Variants in TRPM6 observed in about 807,000 individuals in gnomAD.
The protein encoded by TRPM6 is channel kinase 2.
In TRPM6, 111 loss-of-function variants were observed where a neutral mutation model predicts 247.6. The ratio of observed to expected loss-of-function variants is 0.45; its 90% confidence interval spans 0.38 to 0.52. The LOEUF is 0.52. Ranked by LOEUF, TRPM6 falls within the 20% of genes least tolerant of loss-of-function variation. The probability of loss-of-function intolerance (pLI) is 0.00; values close to 1 mark genes in which losing one functional copy is unlikely to be tolerated. For synonymous variants in TRPM6, 892 were observed against 853.8 expected (o/e 1.04, Z -0.78); for missense variants, 2,126 against 2,421.5 (o/e 0.88, Z 2.56).
chr9:74,846,877 CT>C (rs2118250171), intron 3 of TRPM6, among the ~76,000 whole-genome samples: 1 of 152,250 alleles, frequency 6.6e-6, no homozygotes, highest in South Asian at 2.1e-4. Context: ...AAAAAGCACA[CT>C]TTTAAGAAAT....
At position 74,792,713 on chromosome 9, in the gene TRPM6, C is replaced by A; in HGVS notation, c.2449G>T (p.Gly817Cys). The change falls in exon 19 of 39, where the codon GGT becomes TGT. Residue 817 changes from glycine (G) to cysteine (C), a missense_variant. Gly to Cys is a radical substitution (Grantham distance 159). This residue lies in a region of TRPM6 where 1,082 missense variants were observed against 1,307.9 expected (regional missense o/e 0.83). Transcript: ENST00000360774. ...AGGTGTTGGTGCCCACTTTCCAAAC[C>A]AAAATGCTGATTTTCATCCAGTTTC... The part of the protein sequence containing the change: ...DEKLDENQHF[G>C]LESGHQHLPW... The A allele has an allele frequency of 6.2e-7, 1 of 1,613,862 alleles. No homozygotes were observed. Among genetic ancestry groups the A allele is most frequent in the Admixed American group, 1.7e-5 (1 of 60,024 alleles).
At chr9:74,887,159 A>T in intron 1 of TRPM6, 1 of 920,500 alleles carries the variant, frequency 1.1e-6, no homozygotes, top group South Asian at 4.7e-5. Context: ...GCCAGCGGGG[A>T]CTCCTGAGGT....
Position 74,808,149 on chromosome 9 carries a change from A to T in TRPM6, c.1523T>A (p.Ile508Lys), listed in dbSNP as rs764432874. The T allele has an allele frequency of 1.2e-6, 2 of 1,614,018 alleles. No homozygotes were observed. Among genetic ancestry groups the T allele is most frequent in the South Asian group, 2.2e-5 (2 of 91,084 alleles). Residue 508 changes from isoleucine (I) to lysine (K), a missense_variant, in exon 14 of 39, where the codon ATA becomes AAA. By Grantham distance (102) the Ile-to-Lys change is moderately radical. This residue lies in a region of TRPM6 where 1,082 missense variants were observed against 1,307.9 expected (regional missense o/e 0.83). Coordinates refer to ENST00000360774, the MANE Select transcript of TRPM6 (RefSeq NM_017662.5). ...KQHTLLSGYRITLIDIGLVVE... is the reference protein window; with the variant it reads ...KQHTLLSGYRKTLIDIGLVVE... ...TACTAATCCAATGTCAATCAAGGTT[A>T]TTCGGTAGCCTGAAAGAAGGGTATG...
At position 74,802,113 on chromosome 9, in the gene TRPM6, G is replaced by A. The variant is rs1157575766; in HGVS notation, c.1794C>T (p.Asp598=). The change falls in exon 16 of 39, where the codon GAC becomes GAT. Residue 598 remains aspartate (D), a synonymous_variant. Coordinates refer to ENST00000360774, the MANE Select transcript of TRPM6 (RefSeq NM_017662.5). ...GGTAAAGAAAGCCAGTAGACTCAGG[G>A]TCATCTGATACATTTTGTTCTTTTG... The part of the protein sequence containing the change: ...KKSKEQNVSD[D]PESTGFLYPY... 3.7e-6 allele frequency: 6 copies of A among 1,613,982 alleles called. No homozygotes were observed. Among genetic ancestry groups the A allele is most frequent in the East Asian group, 2.2e-5 (1 of 44,892 alleles).
At chr9:74,852,792 G>A (rs905536019) in intron 3 of TRPM6, among the ~76,000 whole-genome samples, 1 of 152,164 alleles carries the variant, frequency 6.6e-6, no homozygotes, top group Non-Finnish European at 1.5e-5. Context: ...CTCACTCAGT[G>A]CTCAATGTTG....
chr9:74,737,417 C>T, intron 36 of TRPM6: 1 of 1,289,780 alleles, frequency 7.8e-7, no homozygotes, highest in South Asian at 1.2e-5. Flanking sequence ...ACCTCCAAGC[C>T]TGGCTTTCAG....
intron 26 of TRPM6, 65 bp from the exon 27 acceptor site, chr9:74,761,873 A>G (rs1466866683): frequency 1.3e-6 from 2 of 1,520,558 alleles, no homozygotes; most frequent in African/African-American, 2.7e-5. Flanking sequence ...TGTTTTACAG[A>G]AAAAGCTGAG....
intron 16 of TRPM6, 104 bp downstream of exon 16, chr9:74,801,794 G>A (rs1038011971): frequency 3.9e-5 from 55 of 1,403,962 alleles, no homozygotes; most frequent in Admixed American, 1.0e-4. Flanking sequence ...AATGCATGGC[G>A]GTAAGTCCAT....
intron 30 of TRPM6, among the ~76,000 whole-genome samples, chr9:74,750,354 T>G (rs1018555941): frequency 6.6e-6 from 1 of 152,222 alleles, no homozygotes; most frequent in African/African-American, 2.4e-5. Context: ...ATTCACAATC[T>G]TATCTATCCA....
rs1346618318 is a variant in TRPM6, at chr9:74,808,089, T to C, written c.1583A>G (p.Asn528Ser). 1 of 1,613,902 alleles carries C rather than the reference T, an allele frequency of 6.2e-7. No homozygotes were observed. Among genetic ancestry groups the C allele is most frequent in the Non-Finnish European group, 8.5e-7 (1 of 1,179,964 alleles). ...EYLIGRAYRS[N>S]YTRKHFRALY... Reference sequence around the variant, plus strand: ...GGCTCTGAAATGTTTTCTAGTGTAGTTGCTGCGATATGCTCTACCAATGAG... The same window carrying C: ...GGCTCTGAAATGTTTTCTAGTGTAGCTGCTGCGATATGCTCTACCAATGAG... Residue 528 changes from asparagine to serine, a missense_variant, in exon 14 of 39, where the codon AAC becomes AGC. By Grantham distance (46) the Asn-to-Ser change is conservative. Coordinates refer to ENST00000360774, the MANE Select transcript of TRPM6 (RefSeq NM_017662.5).
chr9:74,885,818 A>T (rs1831512941), intron 1 of TRPM6, among the ~76,000 whole-genome samples: 2 of 152,186 alleles, frequency 1.3e-5, no homozygotes, highest in Non-Finnish European at 2.9e-5. Flanking sequence ...TCAGGCCTGT[A>T]ATCTTGGCAC....
At chr9:74,844,026 G>A (rs1246971088) in intron 3 of TRPM6, among the ~76,000 whole-genome samples, 1 of 152,116 alleles carries the variant, frequency 6.6e-6, no homozygotes, top group Non-Finnish European at 1.5e-5. Flanking sequence ...GATCTCAACA[G>A]TGGGCTTAAA....
chr9:74,743,467 T>C (rs1825928969), intron 32 of TRPM6, among the ~76,000 whole-genome samples: 1 of 152,190 alleles, frequency 6.6e-6, no homozygotes, highest in South Asian at 2.1e-4. Context: ...ACAAGTCCAG[T>C]TGGTTTTTAT....
intron 9 of TRPM6, among the ~76,000 whole-genome samples, chr9:74,818,862 G>A (rs902133824): frequency 6.8e-6 from 1 of 146,092 alleles, no homozygotes; most frequent in African/African-American, 2.5e-5. Flanking sequence ...ACTTCAGTTG[G>A]TTTTTTTTTT....
chr9:74,872,180 C>T (rs1831049083), intron 1 of TRPM6, among the ~76,000 whole-genome samples: 1 of 152,018 alleles, frequency 6.6e-6, no homozygotes, highest in South Asian at 2.1e-4. Flanking sequence ...GTGACAGGGT[C>T]TTGTTATGTT....
chr9:74,871,799 C>A (rs1250216661), intron 1 of TRPM6, among the ~76,000 whole-genome samples: 1 of 151,970 alleles, frequency 6.6e-6, no homozygotes, highest in Non-Finnish European at 1.5e-5. Flanking sequence ...CCCACCCTCA[C>A]CTCCCGAGTA....
At chr9:74,877,046 A>G (rs1831213866) in intron 1 of TRPM6, among the ~76,000 whole-genome samples, 1 of 152,222 alleles carries the variant, frequency 6.6e-6, no homozygotes, top group Non-Finnish European at 1.5e-5. Flanking sequence ...CATACCCGCT[A>G]GGATGGCTAT....
chr9:74,777,188 CT>C, intron 23 of TRPM6, among the ~76,000 whole-genome samples: 1 of 152,204 alleles, frequency 6.6e-6, no homozygotes, highest in Non-Finnish European at 1.5e-5. Flanking sequence ...GAGTGGGAAA[CT>C]CTAGGGTTGC....
intron 16 of TRPM6, among the ~76,000 whole-genome samples, chr9:74,801,309 G>T (rs1487865482): frequency 9.1e-5 from 13 of 142,546 alleles, no homozygotes; most frequent in African/African-American, 3.4e-4. Flanking sequence ...CCAGGCTGGA[G>T]TGCAGTGGCA....
Sources: allele counts gnomAD v4.1 joint callset (sites outside exome capture counted in the v4.1 genomes callset), GRCh38; gene constraint gnomAD v4.1.1; regional missense constraint gnomAD v4.1.1; transcripts MANE v1.5; gene names NCBI Gene and HGNC (gene_info 2026-07-23, HGNC 2026-07-21).